The following SYT9 variants were observed in gnomAD, a reference collection of about 807,000 sequenced individuals.
SYT9 encodes the protein synaptotagmin 9.
Under a neutral mutation model 48.4 loss-of-function variants are expected in SYT9, and 22 were observed. The ratio of observed to expected loss-of-function variants is 0.45; its 90% CI spans 0.32 to 0.65. The LOEUF (loss-of-function observed/expected upper bound fraction) is 0.65, where lower values mean the gene tolerates loss of function less well. Among genes scored for constraint, SYT9 ranks in the 30% least tolerant of loss-of-function variants. The pLI is 0.03. For missense variants in SYT9, 577 were observed against 622.0 expected (o/e 0.93, Z 0.77); for synonymous variants, 265 against 245.0 (o/e 1.08, Z -0.76).
intron 1 of SYT9, among the ~76,000 whole-genome samples, chr11:7,287,370 A>G (rs1432075226): frequency 6.6e-6 from 1 of 152,200 alleles, no homozygotes; most frequent in Admixed American, 6.5e-5. Flanking sequence ...GGATTATGGG[A>G]ACTACAATTC....
chr11:7,261,668 C>T (rs1005352180), intron 1 of SYT9, among the ~76,000 whole-genome samples: 1 of 151,848 alleles, frequency 6.6e-6, no homozygotes, highest in Non-Finnish European at 1.5e-5. Context: ...GAGTAAAGGT[C>T]AGAAGGAAAT....
chr11:7,420,719 G>C, intron 6 of SYT9, 84 bp downstream of exon 6: 1 of 1,548,042 alleles, frequency 6.5e-7, no homozygotes, highest in Non-Finnish European at 8.9e-7. Context: ...ACATATGAGT[G>C]CACCAGGATC....
intron 3 of SYT9, among the ~76,000 whole-genome samples, chr11:7,409,959 T>C (rs527846960): frequency 1.2e-3 from 189 of 152,312 alleles, no homozygotes; most frequent in African/African-American, 4.5e-3. Flanking sequence ...GAAATCTTTC[T>C]ACTTTTTTGA....
intron 3 of SYT9, among the ~76,000 whole-genome samples, chr11:7,368,094 T>C (rs1850286208): frequency 6.6e-6 from 1 of 152,244 alleles, no homozygotes. Context: ...ACACTCTAAA[T>C]TGTGATATCT....
intron 3 of SYT9, among the ~76,000 whole-genome samples, chr11:7,367,488 T>C (rs1850276008): frequency 1.3e-5 from 2 of 152,138 alleles, no homozygotes; most frequent in African/African-American, 4.8e-5. Flanking sequence ...CATAATTTCA[T>C]TGCTTGCTAA....
intron 6 of SYT9, among the ~76,000 whole-genome samples, chr11:7,462,481 G>C (rs1435418190): frequency 1.3e-5 from 2 of 151,814 alleles, no homozygotes; most frequent in African/African-American, 4.8e-5. Context: ...GAGAGAGGAA[G>C]TAAAAAAAAA....
intron 1 of SYT9, among the ~76,000 whole-genome samples, chr11:7,297,726 T>A (rs1012279229): frequency 6.6e-6 from 1 of 152,336 alleles, no homozygotes; most frequent in Middle Eastern, 3.4e-3. Flanking sequence ...CTATGATAAA[T>A]ACATTGAAAA....
chr11:7,439,250 C>A (rs1847777969), intron 6 of SYT9: 1 of 152,230 alleles, frequency 6.6e-6, no homozygotes, highest in Non-Finnish European at 1.5e-5. Flanking sequence ...GTCACTCTAT[C>A]TGCTTCAGTG....
At position 7,279,231 on chromosome 11, in the gene SYT9, A is replaced by G. The variant is rs149779424; in HGVS notation, c.146-23808A>G. Among the ~76,000 whole-genome samples, 412 of 152,316 alleles carry G rather than the reference A, an allele frequency of 2.7e-3. 2 individuals carry two copies. The highest frequency in any genetic ancestry group is 9.1e-3 in the African/African-American group (380 of 41,568). On this transcript the variant is annotated intron_variant, in intron 1 of 6. Coordinates refer to ENST00000318881, the MANE Select transcript of SYT9 (RefSeq NM_175733.4). ...GATGGTTTGAGAGCACTAAGGAAAG[A>G]TGCTGGAGAGTTAGCTTAGTAAAAC... is the stretch of plus-strand genomic sequence containing the variant.
chr11:7,399,577 C>T lies in SYT9; in HGVS notation c.1045-16465C>T, dbSNP rs867048342. ...ATGAGGCAGCAGAGAAATTTATTGACAAGTTTGCCAAAGTTTCCACTGATG... is the reference window on the plus strand; with the variant it reads ...ATGAGGCAGCAGAGAAATTTATTGATAAGTTTGCCAAAGTTTCCACTGATG... On this transcript the variant is annotated intron_variant, in intron 3 of 6. Transcript: ENST00000318881. Among the ~76,000 whole-genome samples the T allele has an allele frequency of 3.3e-5, 5 of 152,290 alleles. No homozygotes were observed. In the South Asian group the frequency reaches 8.3e-4, roughly 25 times the overall value.
At chr11:7,463,817 G>A (rs753390493) in intron 6 of SYT9, among the ~76,000 whole-genome samples, 8 of 152,180 alleles carry the variant, frequency 5.3e-5, no homozygotes, top group South Asian at 4.1e-4. Context: ...CTGCACCGCC[G>A]TATTTCCAGA....
chr11:7,289,284 G>C (rs932331426), intron 1 of SYT9, among the ~76,000 whole-genome samples: 3 of 152,282 alleles, frequency 2.0e-5, no homozygotes, highest in Non-Finnish European at 4.4e-5. Context: ...GTTTATCATA[G>C]AAACAGAAAA....
Position 7,362,147 on chromosome 11 carries a change from T to A in SYT9, c.1044+48206T>A, listed in dbSNP as rs537490831. Among the ~76,000 whole-genome samples the A allele has an allele frequency of 1.9e-3, 285 of 150,434 alleles. 2 individuals are homozygous for A. The highest frequency in any genetic ancestry group is 3.4e-3 in the Middle Eastern group (1 of 294). On this transcript the variant is annotated intron_variant, in intron 3 of 6. Transcript: ENST00000318881. ...TTTCTTTTTTATTTTATTTTATTTT[T>A]TTTTTATTTTTTTTTGAGATGGAGT... is the stretch of plus-strand genomic sequence containing the variant.
At chr11:7,463,701 A>G (rs1046854421) in intron 6 of SYT9, among the ~76,000 whole-genome samples, 5 of 152,204 alleles carry the variant, frequency 3.3e-5, no homozygotes. Flanking sequence ...CCAGCTCACA[A>G]GCATTCTAGG....
At chr11:7,239,754 G>A (rs987775652) in intron 1 of SYT9, among the ~76,000 whole-genome samples, 3 of 152,120 alleles carry the variant, frequency 2.0e-5, no homozygotes, top group African/African-American at 7.2e-5. Context: ...ATTTGCTGGT[G>A]GATTGGATTA....
At chr11:7,423,880 C>A (rs117653416) in intron 6 of SYT9, among the ~76,000 whole-genome samples, 2 of 152,200 alleles carry the variant, frequency 1.3e-5, no homozygotes, top group Admixed American at 1.3e-4. Context: ...CTGTTATGCT[C>A]TCTAAGAACC....
At chr11:7,346,929 T>G (rs1849810982) in intron 3 of SYT9, among the ~76,000 whole-genome samples, 1 of 152,236 alleles carries the variant, frequency 6.6e-6, no homozygotes, top group African/African-American at 2.4e-5. Context: ...TTTGCCTGCT[T>G]CTTTGCTGTA....
intron 1 of SYT9, among the ~76,000 whole-genome samples, chr11:7,271,778 G>GT (rs1205314410): frequency 6.6e-6 from 1 of 152,118 alleles, no homozygotes; most frequent in African/African-American, 2.4e-5. Context: ...GGGTTTCGCC[G>GT]TGTTAGCCAG....
intron 1 of SYT9, among the ~76,000 whole-genome samples, chr11:7,276,069 A>C (rs1848384597): frequency 6.6e-6 from 1 of 152,128 alleles, no homozygotes; most frequent in South Asian, 2.1e-4. Flanking sequence ...TGAATACACC[A>C]TCCCCCACCC....
Sources: gnomAD v4.1 joint callset for allele counts (sites outside exome capture counted in the v4.1 genomes callset) on GRCh38, gnomAD v4.1.1 for gene constraint, MANE v1.5 for transcripts, NCBI Gene and HGNC (gene_info 2026-07-23, HGNC 2026-07-21) for gene names.